The following RIMKLB variants were observed in gnomAD, a reference collection of about 807,000 sequenced individuals.
RIMKLB encodes the protein beta-citrylglutamate synthase B.
Under a neutral mutation model 32.0 loss-of-function variants are expected in RIMKLB, and 7 were observed. That is an observed-to-expected ratio of 0.22 (90% CI 0.12 to 0.41). The LOEUF (loss-of-function observed/expected upper bound fraction) is 0.41, where lower values mean the gene tolerates loss of function less well. Ranked by LOEUF, RIMKLB falls within the 10% of genes least tolerant of loss-of-function variation. The pLI is 1.00. For synonymous variants in RIMKLB, 172 were observed against 185.1 expected (o/e 0.93, Z 0.57); for missense variants, 289 against 498.7 (o/e 0.58, Z 4.00).
chr12:8,772,605 C>T (rs1002203436), intron 5 of RIMKLB, among the ~76,000 whole-genome samples: 5 of 152,224 alleles, frequency 3.3e-5, no homozygotes, highest in Non-Finnish European at 7.3e-5. Context: ...GGAGGATCCA[C>T]CTCACCTGTC....
chr12:8,741,923 C>CTTTTTT lies in RIMKLB; in HGVS notation c.176-7934_176-7929dup, dbSNP rs145008488. Among the ~76,000 whole-genome samples the CTTTTTT allele has an allele frequency of 6.2e-4, 91 of 146,778 alleles. 1 individual carries two copies. The highest frequency in any genetic ancestry group is 2.2e-3 in the African/African-American group (85 of 38,826). On this transcript the variant is annotated intron_variant, in intron 2 of 5. Coordinates refer to ENST00000535829, the MANE Select transcript of RIMKLB (RefSeq NM_001297776.2). ...AGTTTAAATTATTAAAAAAGGAGAG[C>CTTTTTT]TTTTTTTTTTGTTTTTTTTGAGAGA...
chr12:8,717,519 C>G (rs775833713), intron 2 of RIMKLB, among the ~76,000 whole-genome samples: 2 of 151,980 alleles, frequency 1.3e-5, no homozygotes, highest in Admixed American at 6.6e-5. Context: ...TGTTCTAGCT[C>G]CAATATTAGT....
rs561542261 is a variant in RIMKLB at position 8,728,268 on chromosome 12, CTG to C, written c.175+14231_175+14232del. 3.8e-3 allele frequency among the ~76,000 whole-genome samples: 584 copies of C among 152,280 alleles called. 2 individuals are homozygous for C. The highest frequency in any genetic ancestry group is 5.7e-3 in the Non-Finnish European group (391 of 68,016). Reference sequence around the variant, plus strand: ...TTGACTCTGGTTTAGTTTCTTCAGACTGTGTTTTTGCCTTTTCAGATAACTTG... The same window carrying C: ...TTGACTCTGGTTTAGTTTCTTCAGACTGTTTTTGCCTTTTCAGATAACTTG... On this transcript the variant is annotated intron_variant, in intron 2 of 5. Coordinates refer to ENST00000535829, the MANE Select transcript of RIMKLB (RefSeq NM_001297776.2).
intron 5 of RIMKLB, among the ~76,000 whole-genome samples, chr12:8,758,783 T>A (rs1303149958): frequency 6.6e-6 from 1 of 152,248 alleles, no homozygotes; most frequent in Non-Finnish European, 1.5e-5. Context: ...ACTTATTGAA[T>A]AGTCTGTTTA....
At chr12:8,674,358 C>T in the RIMKLB span, among the ~76,000 whole-genome samples, 4 of 151,090 alleles carry the variant, frequency 2.6e-5, no homozygotes. Flanking sequence ...CCTGGCTCAG[C>T]CTCCCGAGTA....
chr12:8,728,309 A>G (rs1946224268), intron 2 of RIMKLB, among the ~76,000 whole-genome samples: 1 of 152,074 alleles, frequency 6.6e-6, no homozygotes, highest in Non-Finnish European at 1.5e-5. Context: ...TTTTTGGTTG[A>G]AAGGTGGGAA....
chr12:8,772,832 TTATATCC>T (rs1409800781), intron 5 of RIMKLB, among the ~76,000 whole-genome samples: 1 of 152,242 alleles, frequency 6.6e-6, no homozygotes, highest in African/African-American at 2.4e-5. Context: ...AAGACTTCAC[TTATATCC>T]AGCCAGCTAC....
At chr12:8,731,142 G>T (rs1946503074) in intron 2 of RIMKLB, among the ~76,000 whole-genome samples, 1 of 151,806 alleles carries the variant, frequency 6.6e-6, no homozygotes, top group Admixed American at 6.6e-5. Context: ...TGTCGCCCAG[G>T]CTGGAGTGCA....
chr12:8,715,472 C>T (rs1194120080), intron 2 of RIMKLB, among the ~76,000 whole-genome samples: 1 of 152,146 alleles, frequency 6.6e-6, no homozygotes, highest in East Asian at 1.9e-4. Context: ...GATCCACCCA[C>T]CTCGGCTTCC....
intron 2 of RIMKLB, among the ~76,000 whole-genome samples, chr12:8,716,601 T>C (rs1944869188): frequency 6.7e-6 from 1 of 149,716 alleles, no homozygotes; most frequent in South Asian, 2.1e-4. Context: ...TTTTAATTAA[T>C]AGTAAAAGAA....
rs747104108 is a variant in RIMKLB at position 8,754,020 on chromosome 12, C to T, written c.624C>T (p.Val208=). The T allele has an allele frequency of 3.3e-5, 53 of 1,613,930 alleles. No individual in the cohort carries two copies. Among genetic ancestry groups the T allele is most frequent in the South Asian group, 1.6e-4 (15 of 91,068 alleles). Residue 208 remains valine (V), a synonymous_variant, in exon 5 of 6, where the codon GTC becomes GTT. Transcript: ENST00000535829. ...ESHGRDVRVI[V]VGGRVVGTML... is the part of the protein sequence containing the mutation. ...ATGGACGGGATGTACGTGTCATTGT[C>T]GTGGGAGGCCGTGTGGTTGGCACCA...
At chr12:8,706,888 A>G (rs1431674604) in intron 1 of RIMKLB, among the ~76,000 whole-genome samples, 6 of 152,178 alleles carry the variant, frequency 3.9e-5, no homozygotes, top group Non-Finnish European at 7.3e-5. Flanking sequence ...GTGGTTCAGA[A>G]GGAATAAAGT....
At chr12:8,722,593 G>C (rs752781860) in intron 2 of RIMKLB, among the ~76,000 whole-genome samples, 1 of 152,148 alleles carries the variant, frequency 6.6e-6, no homozygotes, top group Non-Finnish European at 1.5e-5. Context: ...AAAAGAATTA[G>C]CCTCTCCCTT....
At chr12:8,766,256 G>A (rs781314216) in intron 5 of RIMKLB, among the ~76,000 whole-genome samples, 34 of 152,184 alleles carry the variant, frequency 2.2e-4, no homozygotes, top group African/African-American at 6.7e-4. Context: ...GATTAGTTAC[G>A]CTCACTGATG....
chr12:8,686,230 C>G (rs1031621839), intron 1 of RIMKLB, among the ~76,000 whole-genome samples: 1 of 152,050 alleles, frequency 6.6e-6, no homozygotes, highest in Admixed American at 6.6e-5. Flanking sequence ...GATTACATTA[C>G]AGGTGTGAGC....
intron 1 of RIMKLB, among the ~76,000 whole-genome samples, chr12:8,691,098 TAAGC>T (rs1942717624): frequency 6.6e-6 from 1 of 152,108 alleles, no homozygotes; most frequent in Non-Finnish European, 1.5e-5. Context: ...ATTTATTTAT[TAAGC>T]AAGTATCTAA....
intron 2 of RIMKLB, among the ~76,000 whole-genome samples, chr12:8,734,394 T>G (rs1338577380): frequency 6.6e-6 from 1 of 152,220 alleles, no homozygotes; most frequent in African/African-American, 2.4e-5. Flanking sequence ...GTAAATATAT[T>G]GGTTCTGGTG....
At chr12:8,717,069 T>C (rs1423476899) in intron 2 of RIMKLB, among the ~76,000 whole-genome samples, 23 of 148,904 alleles carry the variant, frequency 1.5e-4, no homozygotes, top group African/African-American at 4.6e-4. Context: ...TTTTTTTTTT[T>C]CTTTTTTTTT....
intron 2 of RIMKLB, among the ~76,000 whole-genome samples, chr12:8,725,610 G>C (rs1010859019): frequency 1.3e-5 from 2 of 152,236 alleles, no homozygotes; most frequent in Non-Finnish European, 2.9e-5. Flanking sequence ...AGCCCTGGCA[G>C]AGGCTGCAAG....
Sources: allele counts gnomAD v4.1 joint callset (sites outside exome capture counted in the v4.1 genomes callset), GRCh38; gene constraint gnomAD v4.1.1; transcripts MANE v1.5; gene names NCBI Gene and HGNC (gene_info 2026-07-23, HGNC 2026-07-21).